Variants in NUDT12 observed in about 807,000 individuals in gnomAD.
NUDT12 encodes the protein NAD-capped RNA hydrolase NUDT12.
A neutral mutation model predicts 45.7 loss-of-function variants in NUDT12; 42 were observed. The ratio of observed to expected loss-of-function variants is 0.92; its 90% CI spans 0.72 to 1.19. The LOEUF is 1.19. NUDT12 is among the 50% of genes most tolerant of loss of function. The pLI, the probability that NUDT12 is intolerant of heterozygous loss-of-function variation, is 0.00. For synonymous variants in NUDT12, 206 were observed against 179.7 expected, an observed-to-expected ratio of 1.15 and a Z score of -1.17; for missense variants, 590 against 533.1, an observed-to-expected ratio of 1.11 and a Z score of -1.05.
chr5:103,560,486 A>G (rs1248185095), intron 1 of NUDT12, among the ~76,000 whole-genome samples: 1 of 152,056 alleles, frequency 6.6e-6, no homozygotes, highest in African/African-American at 2.4e-5. Context: ...ATGAATAAAG[A>G]GCTCTGACAG....
Position 103,559,547 on chromosome 5 carries a change from A to G in NUDT12, c.207-79T>C, listed in dbSNP as rs571119968. 1.2e-3 allele frequency: 869 copies of G among 710,760 alleles called. 1 individual carries two copies. Among genetic ancestry groups the G allele is most frequent in the Non-Finnish European group, 1.6e-3 (771 of 470,800 alleles). The allele number at this position is 710,760 out of a possible 1,614,324, so 44.0% of individuals were successfully genotyped here. A position where few individuals can be genotyped will look rare whatever the true frequency, so the allele number is the denominator to read the frequency against. On this transcript the variant is annotated intron_variant, in intron 2 of 6. Transcript: ENST00000230792. ...TTCTCCGTATTTATTTCACTAAAATATTTCCAGATACATATTAAAGTCCTT... is the reference window on the plus strand; with the variant it reads ...TTCTCCGTATTTATTTCACTAAAATGTTTCCAGATACATATTAAAGTCCTT...
chr5:103,550,187 T>C lies in NUDT12; in HGVS notation c.*674A>G, dbSNP rs371673566. The C allele has an allele frequency of 6.6e-6, 1 of 152,162 alleles. No homozygotes were observed. Among genetic ancestry groups the C allele is most frequent in the East Asian group, 1.9e-4 (1 of 5,178 alleles). The allele number at this position is 152,162 out of a possible 1,614,324, so 9.4% of individuals were successfully genotyped here. A position where few individuals can be genotyped will look rare whatever the true frequency, so the allele number is the denominator to read the frequency against. On this transcript the variant is annotated 3_prime_UTR_variant, in exon 7 of 7. Transcript: ENST00000230792. Reference sequence around the variant, plus strand: ...AGGTCTAAAAGAGAGGTCCCAGATATAATAGTATGCTTTTCTCCTTCCATG... The same window carrying C: ...AGGTCTAAAAGAGAGGTCCCAGATACAATAGTATGCTTTTCTCCTTCCATG...
intron 3 of NUDT12, among the ~76,000 whole-genome samples, chr5:103,557,328 A>T (rs868241978): frequency 3.4e-5 from 4 of 116,384 alleles, no homozygotes; most frequent in Admixed American, 8.6e-5. Flanking sequence ...AAATTTTCTT[A>T]AAAAAGTTTG....
intron 1 of NUDT12, among the ~76,000 whole-genome samples, chr5:103,562,140 A>C (rs1749051612): frequency 6.6e-6 from 1 of 152,212 alleles, no homozygotes; most frequent in Non-Finnish European, 1.5e-5. Flanking sequence ...CATTTAAAAG[A>C]ATATTAGATG....
intron 2 of NUDT12, 127 bp downstream of exon 2, chr5:103,559,916 A>C (rs1033055286): frequency 6.6e-6 from 4 of 610,268 alleles, no homozygotes; most frequent in Non-Finnish European, 1.1e-5. Context: ...TTTTTACATA[A>C]ATTAGCCAAT....
rs1491335747 is a variant in NUDT12, at chr5:103,557,280, G to GGTAT, written c.797-1183_797-1182insATAC. On this transcript the variant is annotated intron_variant, in intron 3 of 6. Transcript: ENST00000230792. The stretch of plus-strand genomic sequence containing the variant: ...TATCAGATCTTTTTGATCTTAAAAT[G>GGTAT]ATATATATATATATATATATATATG... Among the ~76,000 whole-genome samples the GGTAT allele has an allele frequency of 1.3e-3, 154 of 118,932 alleles. 8 individuals carry two copies. The highest frequency in any genetic ancestry group is 4.5e-3 in the South Asian group (14 of 3,108). The allele number at this position is 118,932 out of a possible 152,430, so 78.0% of individuals were successfully genotyped here.
intron 5 of NUDT12, among the ~76,000 whole-genome samples, chr5:103,554,022 A>G (rs1013475285): frequency 2.0e-5 from 3 of 152,082 alleles, no homozygotes; most frequent in Non-Finnish European, 4.4e-5. Flanking sequence ...ACTGTTTTAT[A>G]TATATGATAT....
chr5:103,561,223 A>T (rs1231703338), intron 1 of NUDT12, among the ~76,000 whole-genome samples: 1 of 152,130 alleles, frequency 6.6e-6, no homozygotes, highest in Non-Finnish European at 1.5e-5. Flanking sequence ...CTAAGCAATA[A>T]GATTTTTAAG....
At chr5:103,554,591 ATAT>A in intron 5 of NUDT12, 146 bp downstream of exon 5, 1 of 363,792 alleles carries the variant, frequency 2.7e-6, no homozygotes, top group Non-Finnish European at 5.0e-6. Context: ...TTACATGTTT[ATAT>A]TATTAAAATT....
Position 103,550,688 on chromosome 5 carries a change from G to A in NUDT12, c.*173C>T. 2.2e-6 allele frequency: 1 copy of A among 461,434 alleles called. No individual in the cohort carries two copies. Among genetic ancestry groups the A allele is most frequent in the East Asian group, 3.2e-5 (1 of 30,962 alleles). The allele number at this position is 461,434 out of a possible 1,614,324, so 28.6% of individuals were successfully genotyped here. On this transcript the variant is annotated 3_prime_UTR_variant, in exon 7 of 7. Transcript: ENST00000230792. ...TAATCTGAGGCAATATTGTAAAAAT[G>A]TGTAAAAATATGAATTTGTGATTAA...
At chr5:103,554,281 T>C (rs1269013260) in intron 5 of NUDT12, among the ~76,000 whole-genome samples, 1 of 152,058 alleles carries the variant, frequency 6.6e-6, no homozygotes, top group Non-Finnish European at 1.5e-5. Flanking sequence ...AATAAATTAG[T>C]AAGTACATAT....
At chr5:103,555,035 A>G (rs921880032) in intron 4 of NUDT12, among the ~76,000 whole-genome samples, 182 bp from the exon 5 acceptor site, 1 of 152,062 alleles carries the variant, frequency 6.6e-6, no homozygotes, top group Non-Finnish European at 1.5e-5. Context: ...TCTCAGGGAA[A>G]TTGTATAGAA....
intron 5 of NUDT12, among the ~76,000 whole-genome samples, chr5:103,552,846 A>G (rs764901652): frequency 3.3e-5 from 5 of 152,154 alleles, no homozygotes; most frequent in Non-Finnish European, 7.4e-5. Flanking sequence ...TTGTCAAACA[A>G]TTATTGCAGG....
At chr5:103,552,557 T>A in intron 5 of NUDT12, 141 bp from the exon 6 acceptor site, 1 of 616,078 alleles carries the variant, frequency 1.6e-6, no homozygotes, top group Non-Finnish European at 2.8e-6. Context: ...AAAACTAGAC[T>A]GTAATTGAAG....
intron 3 of NUDT12, among the ~76,000 whole-genome samples, chr5:103,557,102 G>A (rs1748846526): frequency 6.6e-6 from 1 of 151,346 alleles, no homozygotes; most frequent in African/African-American, 2.4e-5. Context: ...AATGTTTAGA[G>A]CAACCCTAAA....
chr5:103,556,437 T>C (rs908255578), intron 3 of NUDT12, among the ~76,000 whole-genome samples: 5 of 152,084 alleles, frequency 3.3e-5, no homozygotes, highest in Non-Finnish European at 7.4e-5. Context: ...ACAGTGATTT[T>C]ACAATAGTGA....
Position 103,558,899 on chromosome 5 carries a change from T to C in NUDT12, c.776A>G (p.Gln259Arg). The change falls in exon 3 of 7, where the codon CAA becomes CGA. Residue 259 changes from glutamine (Q) to arginine (R), a missense_variant. Physicochemically the swap from Gln to Arg is conservative, Grantham distance 43. Coordinates refer to ENST00000230792, the MANE Select transcript of NUDT12 (RefSeq NM_031438.4). ...FLHPPMPALL[Q>R]LKEKEAGVVA... ...CTTACCAGCTTCTTTTTCTTTCAATTGCAGAAGGGCTGGCATAGGAGGATG... is the reference window on the plus strand; with the variant it reads ...CTTACCAGCTTCTTTTTCTTTCAATCGCAGAAGGGCTGGCATAGGAGGATG... 2 of 1,566,946 alleles carry C rather than the reference T, an allele frequency of 1.3e-6. No individual in the cohort carries two copies. Among genetic ancestry groups the C allele is most frequent in the South Asian group, 2.4e-5 (2 of 83,748 alleles).
Position 103,550,712 on chromosome 5 carries a change from A to G in NUDT12, c.*149T>C. ...TGTGTAAAAATATGAATTTGTGATTAAGACAGAACACTTTGAAAATATTTC... is the reference window on the plus strand; with the variant it reads ...TGTGTAAAAATATGAATTTGTGATTGAGACAGAACACTTTGAAAATATTTC... On this transcript the variant is annotated 3_prime_UTR_variant, in exon 7 of 7. Transcript: ENST00000230792. 1 of 513,578 alleles carries G rather than the reference A, an allele frequency of 1.9e-6. No homozygotes were observed. Among genetic ancestry groups the G allele is most frequent in the South Asian group, 3.6e-5 (1 of 27,994 alleles). The allele number at this position is 513,578 out of a possible 1,614,324, so 31.8% of individuals were successfully genotyped here. A position where few individuals can be genotyped will look rare whatever the true frequency, so the allele number is the denominator to read the frequency against.
At position 103,559,468 on chromosome 5, in the gene NUDT12, C is replaced by T. The variant is rs1400625812; in HGVS notation, c.207G>A (p.Gly69=). The T allele has an allele frequency of 1.4e-6, 2 of 1,408,162 alleles. No homozygotes were observed. The highest frequency in any genetic ancestry group is 1.5e-5 in the African/African-American group (1 of 67,318). The allele number at this position is 1,408,162 out of a possible 1,614,324, so 87.2% of individuals were successfully genotyped here. A position where few individuals can be genotyped will look rare whatever the true frequency, so the allele number is the denominator to read the frequency against. ...ATTTATTGACAATTGATCTGTCACACCTATAGATGGAAGAAAAAATTGGGG... is the reference window on the plus strand; with the variant it reads ...ATTTATTGACAATTGATCTGTCACATCTATAGATGGAAGAAAAAATTGGGG... The part of the protein sequence containing the change: ...PEIVQFLLEK[G]CDRSIVNKSR... The change falls in exon 3 of 7, where the codon GGG becomes GGA. Residue 69 remains glycine, a splice_region_variant and synonymous_variant. Transcript: ENST00000230792.
Sources: gnomAD v4.1 joint callset for allele counts (sites outside exome capture counted in the v4.1 genomes callset) on GRCh38, gnomAD v4.1.1 for gene constraint, MANE v1.5 for transcripts, NCBI Gene and HGNC (gene_info 2026-07-23, HGNC 2026-07-21) for gene names.